Variants in ATP11B observed in about 807,000 individuals in gnomAD.
ATP11B encodes ATPase phospholipid transporting 11B (putative).
Under a neutral mutation model 157.8 loss-of-function variants are expected in ATP11B, and 81 were observed. The observed-to-expected ratio is 0.51, with a 90% CI of 0.43 to 0.62. The LOEUF is 0.62. Ranked by LOEUF, ATP11B falls within the 20% of genes least tolerant of loss-of-function variation. The probability of loss-of-function intolerance (pLI) is 0.00; values close to 1 mark genes in which losing one functional copy is unlikely to be tolerated. For synonymous variants in ATP11B, 451 were observed against 469.4 expected (o/e 0.96, Z 0.51); for missense variants, 1,165 against 1,402.2 (o/e 0.83, Z 2.70).
rs1560133093 is a variant in ATP11B, at chr3:182,910,073, G to GGAA, written c.3319-3788_3319-3787insGAA. Among the ~76,000 whole-genome samples the GGAA allele has an allele frequency of 6.3e-5, 4 of 63,406 alleles. 1 individual carries two copies. Among genetic ancestry groups the GGAA allele is most frequent in the Non-Finnish European group, 3.4e-5 (1 of 29,180 alleles). The allele number at this position is 63,406 out of a possible 152,430, so 41.6% of individuals were successfully genotyped here. On this transcript the variant is annotated intron_variant, in intron 28 of 29. Coordinates refer to ENST00000323116, the MANE Select transcript of ATP11B (RefSeq NM_014616.3). ...GCAACAGAGTGAGACTCGGCCTCCA[G>GGAA]AAAAAAAAAAAAAAAAAAAAAAGCA...
At chr3:182,847,424 TAAAAGA>T (rs1719621685) in intron 9 of ATP11B, among the ~76,000 whole-genome samples, 1 of 152,192 alleles carries the variant, frequency 6.6e-6, no homozygotes, top group Admixed American at 6.5e-5. Flanking sequence ...TGTACACTCT[TAAAAGA>T]AAATGTGAAT....
intron 1 of ATP11B, among the ~76,000 whole-genome samples, chr3:182,816,445 T>C (rs1428945938): frequency 6.6e-6 from 1 of 152,238 alleles, no homozygotes; most frequent in Non-Finnish European, 1.5e-5. Flanking sequence ...AGCCTTGACC[T>C]AGTAATTAGA....
intron 28 of ATP11B, among the ~76,000 whole-genome samples, chr3:182,900,483 A>G (rs1428244189): frequency 6.6e-6 from 1 of 152,126 alleles, no homozygotes; most frequent in Non-Finnish European, 1.5e-5. Flanking sequence ...GCATAATCTG[A>G]TTCCTCTATC....
At chr3:182,829,829 T>C in intron 4 of ATP11B, 77 bp downstream of exon 4, 3 of 1,416,606 alleles carry the variant, frequency 2.1e-6, no homozygotes, top group Non-Finnish European at 9.5e-7. Context: ...CAAAGTAACA[T>C]TTATTGTTGT....
intron 23 of ATP11B, among the ~76,000 whole-genome samples, chr3:182,886,687 A>G (rs1324538764): frequency 1.3e-5 from 2 of 152,162 alleles, no homozygotes; most frequent in African/African-American, 4.8e-5. Flanking sequence ...CATAACTTTG[A>G]CCTACTGCTT....
chr3:182,817,373 C>T (rs1309903165), intron 1 of ATP11B, among the ~76,000 whole-genome samples: 4 of 151,982 alleles, frequency 2.6e-5, no homozygotes, highest in Admixed American at 6.6e-5. Flanking sequence ...CTCCACCTCC[C>T]GGGTTCAAGC....
At chr3:182,917,448 C>T in intron 29 of ATP11B, 1 of 985,372 alleles carries the variant, frequency 1.0e-6, no homozygotes, top group Non-Finnish European at 1.2e-6. Context: ...GTTAACTTTT[C>T]CAGACCAGTA....
intron 1 of ATP11B, among the ~76,000 whole-genome samples, chr3:182,807,858 AT>A (rs1375445069): frequency 6.6e-6 from 1 of 152,078 alleles, no homozygotes; most frequent in Non-Finnish European, 1.5e-5. Context: ...TGGTTTTCTC[AT>A]TTTGGTATTT....
At chr3:182,822,836 T>A (rs988445826) in intron 2 of ATP11B, among the ~76,000 whole-genome samples, 16 of 152,336 alleles carry the variant, frequency 1.1e-4, no homozygotes, top group African/African-American at 3.1e-4. Context: ...GATATCTCAT[T>A]GTGGTTTTGA....
intron 14 of ATP11B, among the ~76,000 whole-genome samples, chr3:182,866,771 G>GTA (rs940521354): frequency 8.9e-5 from 13 of 146,488 alleles, no homozygotes; most frequent in East Asian, 3.9e-4. Context: ...GTCCTTAAAA[G>GTA]TATATATATA....
At chr3:182,832,230 A>C (rs1414615115) in intron 4 of ATP11B, among the ~76,000 whole-genome samples, 1 of 152,206 alleles carries the variant, frequency 6.6e-6, no homozygotes, top group Non-Finnish European at 1.5e-5. Flanking sequence ...CAAAAAGGTT[A>C]TGCCTAGAAC....
At chr3:182,905,955 G>A (rs1203371890) in intron 28 of ATP11B, 2 of 445,216 alleles carry the variant, frequency 4.5e-6, no homozygotes, top group Admixed American at 2.4e-5. Flanking sequence ...GCACTCATCC[G>A]CTAAGTTCTC....
At chr3:182,905,977 G>A (rs6768094) in intron 28 of ATP11B, 112,258 of 406,028 alleles carry the variant, frequency 0.28, 17,027 homozygotes, top group East Asian at 0.55. Flanking sequence ...TGCTTGGGGG[G>A]CATGTCATGG....
Position 182,918,902 on chromosome 3 carries a change from ATTAAT to A in ATP11B, c.*804_*808del, listed in dbSNP as rs1371201392. The A allele has an allele frequency of 2.0e-5, 3 of 152,238 alleles. No homozygotes were observed. Among genetic ancestry groups the A allele is most frequent in the Non-Finnish European group, 2.9e-5 (2 of 68,054 alleles). The allele number at this position is 152,238 out of a possible 1,614,324, so 9.4% of individuals were successfully genotyped here. On this transcript the variant is annotated 3_prime_UTR_variant, in exon 30 of 30. Transcript: ENST00000323116. ...GTAAATTAGATACTATTAGCATATT[ATTAAT>A]TTAATGTCTTTATCATTGGATCTTT... is the stretch of plus-strand genomic sequence containing the variant.
intron 14 of ATP11B, among the ~76,000 whole-genome samples, chr3:182,866,793 G>A (rs931687667): frequency 6.9e-6 from 1 of 145,830 alleles, no homozygotes; most frequent in African/African-American, 2.5e-5. Context: ...GTTTGTGTAT[G>A]TGTATATATA....
At chr3:182,894,580 A>G (rs1577090001) in intron 25 of ATP11B, among the ~76,000 whole-genome samples, 1 of 152,228 alleles carries the variant, frequency 6.6e-6, no homozygotes, top group South Asian at 2.1e-4. Flanking sequence ...AAGAGACAGC[A>G]GTCTTAACCA....
chr3:182,872,319 T>A, intron 17 of ATP11B, 37 bp from the exon 18 acceptor site: 1 of 1,424,554 alleles, frequency 7.0e-7, no homozygotes. Flanking sequence ...TTGTTTGTGT[T>A]CAATTTTTGT....
intron 2 of ATP11B, among the ~76,000 whole-genome samples, chr3:182,822,235 A>G (rs1275805574): frequency 1.3e-5 from 2 of 151,974 alleles, no homozygotes; most frequent in Admixed American, 6.6e-5. Context: ...CGTCATTTAC[A>G]TTAGGTATAT....
rs538652337 is a variant in ATP11B at position 182,815,003 on chromosome 3, A to C, written c.28-5257A>C. Reference sequence around the variant, plus strand: ...AAGGAAGCTCTTAAGCTGAAAAATGAAGGATGAGTAGGCTTTTCCTGGAGC... The same window carrying C: ...AAGGAAGCTCTTAAGCTGAAAAATGCAGGATGAGTAGGCTTTTCCTGGAGC... On this transcript the variant is annotated intron_variant, in intron 1 of 29. Transcript: ENST00000323116. Among the ~76,000 whole-genome samples, 11 of 152,316 alleles carry C rather than the reference A, an allele frequency of 7.2e-5. No individual in the cohort carries two copies. In the South Asian group the frequency reaches 2.3e-3, roughly 32 times the overall value.
Sources: gnomAD v4.1 joint callset for allele counts (sites outside exome capture counted in the v4.1 genomes callset) on GRCh38, gnomAD v4.1.1 for gene constraint, MANE v1.5 for transcripts, NCBI Gene and HGNC (gene_info 2026-07-23, HGNC 2026-07-21) for gene names.